Variants in KLRG1 observed in about 807,000 individuals in gnomAD.
KLRG1 encodes killer cell lectin-like receptor subfamily G member 1.
Under a neutral mutation model 21.8 loss-of-function variants are expected in KLRG1, and 16 were observed. The ratio of observed to expected loss-of-function variants is 0.73; its 90% CI spans 0.50 to 1.11. The LOEUF (loss-of-function observed/expected upper bound fraction) is 1.11. KLRG1 is among the 50% of genes most tolerant of loss of function. The pLI is 0.00. For missense variants in KLRG1, 173 were observed against 218.3 expected, an observed-to-expected ratio of 0.79 and a Z score of 1.31; for synonymous variants, 69 against 75.9, an observed-to-expected ratio of 0.91 and a Z score of 0.47.
chr12:9,162,107 G>A, the KLRG1 span, among the ~76,000 whole-genome samples: 1 of 152,042 alleles, frequency 6.6e-6, no homozygotes, highest in East Asian at 1.9e-4. Flanking sequence ...GACTACAGGC[G>A]CCCGCCACCA....
chr12:9,200,186 T>A, the KLRG1 span, among the ~76,000 whole-genome samples: 1 of 152,078 alleles, frequency 6.6e-6, no homozygotes, highest in Non-Finnish European at 1.5e-5. Context: ...CATAATTAAG[T>A]GTGTTTCTAT....
intron 1 of KLRG1, among the ~76,000 whole-genome samples, chr12:8,964,014 G>GT (rs1219928433): frequency 3.9e-5 from 6 of 152,154 alleles, no homozygotes; most frequent in South Asian, 2.1e-4. Flanking sequence ...TTTTTGAAGG[G>GT]TTTTTTGTGT....
At chr12:9,025,786 G>A in the KLRG1 span, among the ~76,000 whole-genome samples, 3 of 152,208 alleles carry the variant, frequency 2.0e-5, no homozygotes, top group African/African-American at 7.2e-5. Flanking sequence ...AAGGAAAGAT[G>A]GGTGAGGATT....
At chr12:9,201,520 G>A in the KLRG1 span, among the ~76,000 whole-genome samples, 1 of 152,108 alleles carries the variant, frequency 6.6e-6, no homozygotes, top group African/African-American at 2.4e-5. Flanking sequence ...TCTAGGATGA[G>A]CATACACAAT....
intron 3 of KLRG1, among the ~76,000 whole-genome samples, chr12:9,005,984 C>G (rs1019942392): frequency 6.6e-6 from 1 of 152,234 alleles, no homozygotes; most frequent in African/African-American, 2.4e-5. Flanking sequence ...AGACCAGCAC[C>G]TTGCATGGCC....
intron 1 of KLRG1, among the ~76,000 whole-genome samples, chr12:8,957,648 G>A (rs559832997): frequency 2.0e-5 from 3 of 151,926 alleles, no homozygotes; most frequent in Non-Finnish European, 2.9e-5. Context: ...CTACTCTTGC[G>A]CTTTGTGGCC....
Position 8,953,845 on chromosome 12 carries a change from AAG to A in KLRG1, c.-156+3611_-156+3612del, listed in dbSNP as rs772366146. Among the ~76,000 whole-genome samples the A allele has an allele frequency of 7.9e-5, 12 of 152,296 alleles. No individual in the cohort carries two copies. The East Asian group carries it at 2.3e-3, about 29-fold the overall frequency. Reference sequence around the variant, plus strand: ...AAAGGAGCTGTTACTTCTAGGGCTGAAGAAGAGTTAATAAAGGAGTTACTTAA... The same window carrying A: ...AAAGGAGCTGTTACTTCTAGGGCTGAAAGAGTTAATAAAGGAGTTACTTAA... On this transcript the variant is annotated intron_variant, in intron 1 of 4. Coordinates refer to the KLRG1 transcript ENST00000539240.
chr12:9,030,497 C>T, the KLRG1 span, among the ~76,000 whole-genome samples: 2 of 152,088 alleles, frequency 1.3e-5, no homozygotes, highest in African/African-American at 4.8e-5. Flanking sequence ...ATCTCTACCT[C>T]CCGGATTCAC....
At chr12:9,048,114 C>T in the KLRG1 span, among the ~76,000 whole-genome samples, 1 of 152,132 alleles carries the variant, frequency 6.6e-6, no homozygotes, top group Admixed American at 6.5e-5. Context: ...TGGGTCATAT[C>T]CTAGTTCCAA....
chr12:9,070,852 C>T, the KLRG1 span, among the ~76,000 whole-genome samples: 2 of 149,576 alleles, frequency 1.3e-5, no homozygotes, highest in Non-Finnish European at 3.0e-5. Context: ...GAGTTTTTCA[C>T]TCTTCTTGCC....
intron 1 of KLRG1, among the ~76,000 whole-genome samples, chr12:8,973,392 A>T (rs747826960): frequency 1.3e-5 from 2 of 152,166 alleles, no homozygotes; most frequent in South Asian, 4.1e-4. Flanking sequence ...CATGAATGGA[A>T]TTCATGACCT....
intron 3 of KLRG1, 55 bp downstream of exon 3, chr12:8,995,343 T>C (rs1947098710): frequency 1.4e-6 from 2 of 1,449,984 alleles, no homozygotes; most frequent in Non-Finnish European, 1.9e-6. Context: ...TGTTTTTGTT[T>C]TTAAACTGCT....
At chr12:9,153,107 A>G in the KLRG1 span, 1 of 1,612,834 alleles carries the variant, frequency 6.2e-7, no homozygotes, top group Non-Finnish European at 8.5e-7. Flanking sequence ...TCTCACCCAT[A>G]TAAGCTTGGA....
chr12:9,202,457 A>G, the KLRG1 span: 8 of 1,612,544 alleles, frequency 5.0e-6, no homozygotes, highest in South Asian at 8.8e-5. Flanking sequence ...GGCTAGGATA[A>G]TGGAGACTTT....
chr12:9,198,291 A>G, the KLRG1 span, among the ~76,000 whole-genome samples: 1 of 152,000 alleles, frequency 6.6e-6, no homozygotes, highest in Non-Finnish European at 1.5e-5. Flanking sequence ...GTTTGAGGCT[A>G]CAGTGAGCTA....
chr12:9,186,825 G>A, the KLRG1 span, among the ~76,000 whole-genome samples: 1 of 136,964 alleles, frequency 7.3e-6, no homozygotes, highest in African/African-American at 2.8e-5. Context: ...CACAGGGAGG[G>A]GAACATCACA....
chr12:9,169,408 T>C, the KLRG1 span: 2 of 1,555,960 alleles, frequency 1.3e-6, no homozygotes, highest in Non-Finnish European at 1.7e-6. Flanking sequence ...GCCAGCATGT[T>C]AATAAGTAGT....
the KLRG1 span, among the ~76,000 whole-genome samples, chr12:9,154,097 TTTAATCACACA>T: frequency 6.6e-6 from 1 of 152,188 alleles, no homozygotes. Context: ...TCACTGTACT[TTTAATCACACA>T]TTTTTTGGGG....
At chr12:9,199,749 G>T in the KLRG1 span, among the ~76,000 whole-genome samples, 1 of 151,964 alleles carries the variant, frequency 6.6e-6, no homozygotes, top group Non-Finnish European at 1.5e-5. Flanking sequence ...TACTGTAGAG[G>T]AGGAAATGGG....
Sources: allele counts gnomAD v4.1 joint callset (sites outside exome capture counted in the v4.1 genomes callset), GRCh38; gene constraint gnomAD v4.1.1; transcripts MANE v1.5; gene names NCBI Gene and HGNC (gene_info 2026-07-23, HGNC 2026-07-21).